Variants in WWP1 observed in about 807,000 individuals in gnomAD.
WWP1 encodes the protein NEDD4-like E3 ubiquitin-protein ligase WWP1.
WWP1 carries 49 observed loss-of-function variants against 130.6 expected under a neutral mutation model. The ratio of observed to expected loss-of-function variants is 0.38; its 90% CI spans 0.30 to 0.48. The LOEUF (loss-of-function observed/expected upper bound fraction) is 0.48, where lower values mean the gene tolerates loss of function less well. WWP1 is among the 20% of genes least tolerant of loss of function. The pLI is 0.99. For missense variants in WWP1, 809 were observed against 1,100.6 expected (o/e 0.74, Z 3.75); for synonymous variants, 332 against 367.8 (o/e 0.90, Z 1.11).
chr8:86,443,081 T>G (rs1800811571), intron 18 of WWP1, among the ~76,000 whole-genome samples: 1 of 152,196 alleles, frequency 6.6e-6, no homozygotes, highest in African/African-American at 2.4e-5. Context: ...GAAAAAATTT[T>G]AATTCTTTTG....
At chr8:86,459,145 T>A (rs1490363284) in intron 22 of WWP1, among the ~76,000 whole-genome samples, 1 of 144,984 alleles carries the variant, frequency 6.9e-6, no homozygotes, top group Non-Finnish European at 1.5e-5. Flanking sequence ...TTCTCCCGCC[T>A]CAGCACCCCC....
chr8:86,423,764 G>A (rs560364867), intron 9 of WWP1, among the ~76,000 whole-genome samples: 203 of 151,802 alleles, frequency 1.3e-3, no homozygotes, highest in African/African-American at 4.5e-3. Flanking sequence ...GGTGGCGGCC[G>A]GGCAGAGGGG....
chr8:86,451,610 G>A (rs1164274569), intron 20 of WWP1, among the ~76,000 whole-genome samples: 2 of 152,124 alleles, frequency 1.3e-5, no homozygotes, highest in African/African-American at 2.4e-5. Flanking sequence ...GGACAAAGAG[G>A]GTTTAGTAAT....
chr8:86,373,742 G>A (rs1824464791), intron 2 of WWP1, among the ~76,000 whole-genome samples: 1 of 152,044 alleles, frequency 6.6e-6, no homozygotes, highest in Non-Finnish European at 1.5e-5. Context: ...GCTTGGTATG[G>A]GAATCTCACT....
chr8:86,356,122 CTGT>C (rs1409189850), intron 1 of WWP1, among the ~76,000 whole-genome samples: 37 of 151,204 alleles, frequency 2.4e-4, no homozygotes, highest in Middle Eastern at 3.4e-3. Flanking sequence ...ATGTTTGCTG[CTGT>C]TGTTATATTT....
At chr8:86,356,450 T>A (rs1335519468) in intron 1 of WWP1, among the ~76,000 whole-genome samples, 1 of 149,630 alleles carries the variant, frequency 6.7e-6, no homozygotes, top group East Asian at 1.9e-4. Flanking sequence ...TATATATATA[T>A]TTTTTTTTAC....
intron 5 of WWP1, among the ~76,000 whole-genome samples, chr8:86,382,548 A>C (rs1309884713): frequency 1.3e-5 from 2 of 152,156 alleles, no homozygotes; most frequent in Non-Finnish European, 2.9e-5. Context: ...AAAGTACAAA[A>C]ATTAGCTGAA....
intron 3 of WWP1, among the ~76,000 whole-genome samples, chr8:86,379,944 G>T (rs1365847056): frequency 2.0e-5 from 3 of 152,124 alleles, no homozygotes; most frequent in African/African-American, 7.2e-5. Flanking sequence ...CAGCCACTTT[G>T]GAAAATAGCC....
chr8:86,459,527 A>C (rs553416524), intron 22 of WWP1, among the ~76,000 whole-genome samples: 2 of 152,292 alleles, frequency 1.3e-5, no homozygotes, highest in Admixed American at 1.3e-4. Context: ...AAAAAACTGG[A>C]AACAGTTCTA....
intron 1 of WWP1, among the ~76,000 whole-genome samples, chr8:86,350,461 C>T (rs573730888): frequency 7.2e-5 from 11 of 152,220 alleles, no homozygotes; most frequent in African/African-American, 2.4e-4. Context: ...CACTAAAAAA[C>T]GGGCCCCTGC....
At chr8:86,366,062 G>C (rs1823948349) in intron 1 of WWP1, among the ~76,000 whole-genome samples, 1 of 152,238 alleles carries the variant, frequency 6.6e-6, no homozygotes, top group South Asian at 2.1e-4. Context: ...CAAATGTAAA[G>C]TATTAATGAC....
intron 1 of WWP1, among the ~76,000 whole-genome samples, chr8:86,344,801 G>T (rs546743881): frequency 6.6e-6 from 1 of 152,320 alleles, no homozygotes; most frequent in East Asian, 1.9e-4. Flanking sequence ...GGAAAGGCAG[G>T]TAATTATGTT....
chr8:86,437,916 T>C (rs1049104788), intron 16 of WWP1, among the ~76,000 whole-genome samples: 5 of 152,100 alleles, frequency 3.3e-5, no homozygotes, highest in African/African-American at 9.7e-5. Flanking sequence ...TCTCCTGCCT[T>C]AGCCTCCCGA....
chr8:86,407,080 A>T (rs1808319772), intron 8 of WWP1, among the ~76,000 whole-genome samples: 1 of 152,192 alleles, frequency 6.6e-6, no homozygotes, highest in South Asian at 2.1e-4. Flanking sequence ...GGCTTGGGAG[A>T]TGTTCATTCA....
chr8:86,433,565 TAAC>T (rs1401127911), intron 14 of WWP1, among the ~76,000 whole-genome samples: 7 of 150,786 alleles, frequency 4.6e-5, no homozygotes, highest in South Asian at 2.1e-4. Context: ...AAAAAAATTA[TAAC>T]AACAACAACA....
intron 9 of WWP1, among the ~76,000 whole-genome samples, chr8:86,421,945 G>T (rs1020221484): frequency 1.3e-5 from 2 of 151,972 alleles, no homozygotes; most frequent in African/African-American, 4.8e-5. Context: ...AAGAGTGCTG[G>T]ATTCTTTATG....
intron 2 of WWP1, among the ~76,000 whole-genome samples, chr8:86,372,024 T>G (rs1824332736): frequency 7.3e-6 from 1 of 137,094 alleles, no homozygotes; most frequent in Admixed American, 7.1e-5. Context: ...TGTATTTTTT[T>G]TTTTTTTTTT....
intron 21 of WWP1, among the ~76,000 whole-genome samples, chr8:86,455,171 C>G (rs1811369501): frequency 6.6e-6 from 1 of 151,970 alleles, no homozygotes; most frequent in Non-Finnish European, 1.5e-5. Context: ...TATAAGGCAA[C>G]TTTCTTAGTT....
intron 1 of WWP1, among the ~76,000 whole-genome samples, chr8:86,366,508 C>G (rs1823976919): frequency 6.6e-6 from 1 of 152,154 alleles, no homozygotes; most frequent in Non-Finnish European, 1.5e-5. Context: ...CTTCCCTTCT[C>G]CTGACATGTA....
Sources: allele counts gnomAD v4.1 joint callset (sites outside exome capture counted in the v4.1 genomes callset), GRCh38; gene constraint gnomAD v4.1.1; transcripts MANE v1.5; gene names NCBI Gene and HGNC (gene_info 2026-07-23, HGNC 2026-07-21).